The following ZGRF1 variants were observed in gnomAD, a reference collection of about 807,000 sequenced individuals.
ZGRF1 encodes the protein 5'-3' DNA helicase ZGRF1.
Under a neutral mutation model 203.5 loss-of-function variants are expected in ZGRF1, and 196 were observed. The observed-to-expected ratio is 0.96, with a 90% CI of 0.86 to 1.08. The LOEUF (loss-of-function observed/expected upper bound fraction) is 1.08. ZGRF1 is among the 50% of genes least tolerant of loss of function. The probability of loss-of-function intolerance (pLI) is 0.00; values close to 1 mark genes in which losing one functional copy is unlikely to be tolerated. For synonymous variants in ZGRF1, 809 were observed against 841.3 expected, an observed-to-expected ratio of 0.96 and a Z score of 0.66; for missense variants, 2,326 against 2,416.3, an observed-to-expected ratio of 0.96 and a Z score of 0.78.
In ZGRF1 at chr4:112,540,953, T is replaced by C. The variant is rs756914820; in HGVS notation, c.5778A>G (p.Ile1926Met). ...CATTATGAAAGCTGTTATCTCTTTC[T>C]ATCTGGAGTAAGAAATAGATCCTAA... ...CFYNVKGLEQ[I>M]ERDNSFHNVA... Residue 1926 changes from isoleucine (I) to methionine (M), a missense_variant and splice_region_variant, in exon 26 of 28, where the codon ATA (isoleucine) becomes ATG (methionine). Coordinates refer to ENST00000505019, the MANE Select transcript of ZGRF1 (RefSeq NM_018392.5). 3 of 1,566,250 alleles carry C rather than the reference T, an allele frequency of 1.9e-6. No individual in the cohort carries two copies. Among genetic ancestry groups the C allele is most frequent in the Admixed American group, 1.9e-5 (1 of 52,666 alleles).
intron 11 of ZGRF1, among the ~76,000 whole-genome samples, chr4:112,588,838 T>C (rs1747674544): frequency 6.6e-6 from 1 of 152,190 alleles, no homozygotes; most frequent in African/African-American, 2.4e-5. Context: ...TGCTATGCTG[T>C]AATTCTAACA....
intron 7 of ZGRF1, among the ~76,000 whole-genome samples, chr4:112,609,879 A>G (rs1751330447): frequency 1.3e-5 from 2 of 152,106 alleles, no homozygotes; most frequent in Non-Finnish European, 2.9e-5. Flanking sequence ...TGTGGCTCAC[A>G]CCTGTAATTC....
rs754037493 is a variant in ZGRF1 at position 112,618,801 on chromosome 4, C to T, written c.1241G>A (p.Ser414Asn). 2.5e-6 allele frequency: 4 copies of T among 1,612,706 alleles called. No individual in the cohort carries two copies. The highest frequency in any genetic ancestry group is 3.4e-6 in the Non-Finnish European group (4 of 1,179,724). Residue 414 changes from serine (S) to asparagine (N), a missense_variant, in exon 6 of 28, where the codon AGC becomes AAC. Transcript: ENST00000505019. The stretch of plus-strand genomic sequence containing the variant: ...TGCACTGCTACAAGTAACCTGTAAG[C>T]TACTGCTTTCATTGAATGAAGGAAT... Reference protein sequence around the residue: ...LEIPSFNESSSLQVTCSSAEN... With the variant: ...LEIPSFNESSNLQVTCSSAEN...
intron 10 of ZGRF1, among the ~76,000 whole-genome samples, chr4:112,591,748 G>A (rs556218151): frequency 6.6e-6 from 1 of 151,896 alleles, no homozygotes; most frequent in African/African-American, 2.4e-5. Flanking sequence ...TTCAGATCTC[G>A]ACTCCAGTGT....
At position 112,617,874 on chromosome 4, in the gene ZGRF1, T is replaced by G. The variant is rs1298253269; in HGVS notation, c.2168A>C (p.Asn723Thr). 13 of 1,614,024 alleles carry G rather than the reference T, an allele frequency of 8.1e-6. No individual in the cohort carries two copies. The highest frequency in any genetic ancestry group is 1.1e-5 in the Non-Finnish European group (13 of 1,179,958). The change falls in exon 6 of 28, where the codon AAT (asparagine) becomes ACT (threonine). Residue 723 changes from asparagine to threonine, a missense_variant. Transcript: ENST00000505019. ...PFILGSDLDK[N>T]DEHVLPSTSS... ...AGTTGAGGGTAAAACATGTTCATCA[T>G]TTTTGTCTAAGTCACTTCCCAAAAT...
chr4:112,586,444 C>T lies in ZGRF1; in HGVS notation c.3916+1G>A, dbSNP rs961730910. 1.7e-5 allele frequency: 28 copies of T among 1,604,306 alleles called. No homozygotes were observed. The highest frequency in any genetic ancestry group is 2.2e-5 in the Non-Finnish European group (26 of 1,174,710). On this transcript the variant is annotated splice_donor_variant, in intron 13 of 27. Transcript: ENST00000505019. LOFTEE classifies it high-confidence loss of function. The stretch of plus-strand genomic sequence containing the variant: ...ATACAATAAAAACACAACAGCCATA[C>T]CTATGAGGCAAGATGTGAAAGTCTG...
intron 26 of ZGRF1, among the ~76,000 whole-genome samples, chr4:112,540,360 T>C (rs12505165): frequency 2.8e-4 from 43 of 151,922 alleles, no homozygotes; most frequent in Admixed American, 2.7e-3. Flanking sequence ...CATTTGGATA[T>C]GCTAATTTGG....
chr4:112,604,039 A>G (rs753213649), intron 9 of ZGRF1, among the ~76,000 whole-genome samples: 1 of 152,138 alleles, frequency 6.6e-6, no homozygotes, highest in Non-Finnish European at 1.5e-5. Flanking sequence ...CCTGACCAAC[A>G]TGGTGAAACC....
chr4:112,624,239 G>A (rs2047156937), intron 3 of ZGRF1, among the ~76,000 whole-genome samples: 1 of 152,064 alleles, frequency 6.6e-6, no homozygotes, highest in African/African-American at 2.4e-5. Flanking sequence ...GAAGAGGCTG[G>A]GCATGGTGGT....
At chr4:112,547,896 G>A (rs1040895596) in intron 23 of ZGRF1, among the ~76,000 whole-genome samples, 1 of 152,010 alleles carries the variant, frequency 6.6e-6, no homozygotes, top group African/African-American at 2.4e-5. Flanking sequence ...TAGAGACCCA[G>A]CAAGTTATTT....
chr4:112,607,176 G>A (rs943614261), intron 8 of ZGRF1, among the ~76,000 whole-genome samples: 1 of 151,992 alleles, frequency 6.6e-6, no homozygotes, highest in Admixed American at 6.6e-5. Context: ...CCAGGCTGGA[G>A]TGCAGTGGCG....
At chr4:112,543,422 C>T (rs1738096343) in intron 24 of ZGRF1, among the ~76,000 whole-genome samples, 1 of 152,162 alleles carries the variant, frequency 6.6e-6, no homozygotes, top group Non-Finnish European at 1.5e-5. Context: ...TCAATATCCA[C>T]TATGTTTCTG....
chr4:112,540,189 C>A, intron 26 of ZGRF1, 65 bp from the exon 27 acceptor site: 1 of 1,163,846 alleles, frequency 8.6e-7, no homozygotes, highest in South Asian at 2.6e-5. Flanking sequence ...TCTGAACCTG[C>A]TCAAAGCAAC....
intron 9 of ZGRF1, chr4:112,605,771 G>A (rs1750677829): frequency 2.2e-6 from 1 of 456,202 alleles, no homozygotes; most frequent in African/African-American, 2.0e-5. Context: ...CCTATGTACG[G>A]AAGGATAATG....
intron 16 of ZGRF1, among the ~76,000 whole-genome samples, chr4:112,580,648 A>C (rs1434375986): frequency 6.6e-6 from 1 of 152,256 alleles, no homozygotes; most frequent in Non-Finnish European, 1.5e-5. Flanking sequence ...AAAAGAAGAC[A>C]TTTATGCAGC....
intron 4 of ZGRF1, among the ~76,000 whole-genome samples, chr4:112,623,042 C>T (rs1325398230): frequency 6.6e-6 from 1 of 152,154 alleles, no homozygotes; most frequent in Non-Finnish European, 1.5e-5. Context: ...CATCATTTAG[C>T]TCCCACTTAC....
At chr4:112,567,855 G>C (rs567956737) in intron 16 of ZGRF1, among the ~76,000 whole-genome samples, 3 of 152,210 alleles carry the variant, frequency 2.0e-5, no homozygotes, top group African/African-American at 7.2e-5. Flanking sequence ...GGGCCTAGGA[G>C]GTCAACGCTG....
At chr4:112,636,322 A>T (rs1317296515) in intron 1 of ZGRF1, among the ~76,000 whole-genome samples, 1 of 152,226 alleles carries the variant, frequency 6.6e-6, no homozygotes, top group Non-Finnish European at 1.5e-5. Flanking sequence ...GTACGGACGC[A>T]ATATATATAC....
At position 112,583,983 on chromosome 4, in the gene ZGRF1, C is replaced by T. The variant is rs766109271; in HGVS notation, c.4293G>A (p.Leu1431=). 6.3e-7 allele frequency: 1 copy of T among 1,595,464 alleles called. No homozygotes were observed. Among genetic ancestry groups the T allele is most frequent in the East Asian group, 2.2e-5 (1 of 44,584 alleles). Residue 1431 remains leucine, a synonymous_variant, in exon 15 of 28, where the codon TTG becomes TTA. Coordinates refer to ENST00000505019, the MANE Select transcript of ZGRF1 (RefSeq NM_018392.5). Reference sequence around the variant, plus strand: ...TTTGGTACTATAAAACATACCTCACCAAAAGCTGGCATTCCTCATAAAGTG... The same window carrying T: ...TTTGGTACTATAAAACATACCTCACTAAAAGCTGGCATTCCTCATAAAGTG... ...KIPLYEECQL[L]VRKGFDFQRK...
Sources: gnomAD v4.1 joint callset for allele counts (sites outside exome capture counted in the v4.1 genomes callset) on GRCh38, gnomAD v4.1.1 for gene constraint, MANE v1.5 for transcripts, NCBI Gene and HGNC (gene_info 2026-07-23, HGNC 2026-07-21) for gene names.